Variants in NFKBID observed in about 807,000 individuals in gnomAD.
NFKBID encodes NF-kappa-B inhibitor delta.
In NFKBID, 26 loss-of-function variants were observed where a neutral mutation model predicts 53.4. That is an observed-to-expected ratio of 0.49 (90% confidence interval 0.36 to 0.68). The LOEUF (loss-of-function observed/expected upper bound fraction) is 0.68, where lower values mean the gene tolerates loss of function less well. Among genes scored for constraint, NFKBID ranks in the 30% least tolerant of loss-of-function variants. NFKBID has a pLI of 0.00. For missense variants in NFKBID, 493 were observed against 614.1 expected, an observed-to-expected ratio of 0.80 and a Z score of 2.08; for synonymous variants, 262 against 259.8, an observed-to-expected ratio of 1.01 and a Z score of -0.08.
chr19:35,894,075 A>C (rs781632637), intron 9 of NFKBID, among the ~76,000 whole-genome samples: 3 of 151,870 alleles, frequency 2.0e-5, no homozygotes, highest in Non-Finnish European at 4.4e-5. Flanking sequence ...TGGCCAACAT[A>C]GGGAAACCCC....
In NFKBID at chr19:35,896,602, C is replaced by A; in HGVS notation, c.685-64G>T. On this transcript the variant is annotated intron_variant, in intron 6 of 11. Coordinates refer to ENST00000641389, the Ensembl canonical transcript of NFKBID. The surrounding 1 kb of genome is among the most constrained non-coding windows in gnomAD (Gnocchi z 5.7). ...CCCTCCCGTCAGAAAACCAGGCTCC[C>A]AGCCCCATCCCCCCTCAGCCCCAGG... The A allele has an allele frequency of 6.3e-7, 1 of 1,581,654 alleles. No individual in the cohort carries two copies. The highest frequency in any genetic ancestry group is 1.3e-5 in the African/African-American group (1 of 74,214).
rs763900508 is a variant in NFKBID, at chr19:35,896,987, C to T, written c.504G>A (p.Ser168=). The T allele has an allele frequency of 2.7e-5, 43 of 1,608,964 alleles. No homozygotes were observed. Among genetic ancestry groups the T allele is most frequent in the Non-Finnish European group, 3.5e-5 (41 of 1,178,334 alleles). Residue 168 remains serine, a synonymous_variant, in exon 5 of 12, where the codon TCG becomes TCA. Coordinates refer to ENST00000641389, the Ensembl canonical transcript of NFKBID. The surrounding 1 kb of genome is among the most constrained non-coding windows in gnomAD (Gnocchi z 5.7). ...GCATGTGAGCTCGGGCCACCTCCAG[C>T]GATGGTCCAGGGACCACAGCGGGGA...
intron 11 of NFKBID, 30 bp downstream of exon 11, chr19:35,889,860 A>G (rs1974631273): frequency 6.4e-7 from 1 of 1,573,620 alleles, no homozygotes; most frequent in African/African-American, 1.4e-5. Context: ...CTCAGAGGCC[A>G]CTCTACAGGC....
upstream of NFKBID, chr19:35,902,016 G>A (rs1326735363): frequency 1.6e-6 from 1 of 616,822 alleles, no homozygotes. Context: ...CCAGTCTTGT[G>A]GCTTTAAGTA....
chr19:35,890,143 C>A, intron 10 of NFKBID, 89 bp from the exon 11 acceptor site: 1 of 1,346,692 alleles, frequency 7.4e-7, no homozygotes. Context: ...TTGTCTACGT[C>A]CTACACTTGT....
chr19:35,892,918 C>G (rs919084048), intron 9 of NFKBID, among the ~76,000 whole-genome samples: 1 of 152,206 alleles, frequency 6.6e-6, no homozygotes, highest in Non-Finnish European at 1.5e-5. Context: ...GTAATCCCAG[C>G]ACTTGGGAGG....
Position 35,896,814 on chromosome 19 carries a change from G to A in NFKBID, c.596C>T (p.Ala199Val), listed in dbSNP as rs766871867. The change falls in exon 6 of 12, where the codon GCG becomes GTG. Residue 199 changes from alanine (A) to valine (V), a missense_variant. Physicochemically the swap from Ala to Val is moderately conservative, Grantham distance 64 (BLOSUM62 0). This residue lies in a region of NFKBID where 267 missense variants were observed against 384.6 expected (regional missense o/e 0.69). Coordinates refer to ENST00000641389, the Ensembl canonical transcript of NFKBID. The surrounding 1 kb of genome is among the most constrained non-coding windows in gnomAD (Gnocchi z 5.7). ...TGCCGCCCAGCGCAGCCCCCGAGCCGCAAACAGGTGAAGGAGCCTGAGGAC... is the reference window on the plus strand; with the variant it reads ...TGCCGCCCAGCGCAGCCCCCGAGCCACAAACAGGTGAAGGAGCCTGAGGAC... 75 of 1,614,042 alleles carry A rather than the reference G, an allele frequency of 4.6e-5. 1 individual carries two copies. In the Middle Eastern group the frequency reaches 6.6e-4, roughly 14 times the overall value.
At chr19:35,898,489 A>G in exon 3 of NFKBID, 2 of 1,535,194 alleles carry the variant, frequency 1.3e-6, no homozygotes, top group South Asian at 1.2e-5. Context: ...AGCCTCATTC[A>G]CAGATGGGGT....
At position 35,896,957 on chromosome 19, in the gene NFKBID, A is replaced by C; in HGVS notation, c.534T>G (p.Ala178=). 1.2e-6 allele frequency: 2 copies of C among 1,608,476 alleles called. No individual in the cohort carries two copies. Among genetic ancestry groups the C allele is most frequent in the Non-Finnish European group, 1.7e-6 (2 of 1,176,814 alleles). ...GGGCCAGCAGCTGCTGTGGCCCCAAAGCCAGCATGTGAGCTCGGGCCACCT... is the reference window on the plus strand; with the variant it reads ...GGGCCAGCAGCTGCTGTGGCCCCAACGCCAGCATGTGAGCTCGGGCCACCT... The change falls in exon 5 of 12, where the codon GCT becomes GCG. Residue 178 remains alanine, a synonymous_variant. Coordinates refer to ENST00000641389, the Ensembl canonical transcript of NFKBID. The surrounding 1 kb of genome is among the most constrained non-coding windows in gnomAD (Gnocchi z 5.7).
intron 3 of NFKBID, 55 bp downstream of exon 3, chr19:35,898,417 T>C (rs1035703291): frequency 1.8e-6 from 2 of 1,132,640 alleles, no homozygotes; most frequent in Non-Finnish European, 2.5e-6. Context: ...AGAGCTGCGA[T>C]GTCTGAGTCC....
chr19:35,893,927 A>G (rs1974957258), intron 9 of NFKBID, among the ~76,000 whole-genome samples: 1 of 151,892 alleles, frequency 6.6e-6, no homozygotes, highest in African/African-American at 2.4e-5. Context: ...ACTATTTTCT[A>G]TATTTTATTG....
chr19:35,900,797 C>CTTTTCTTTTCTTTTTCTTTT, upstream of NFKBID: 1 of 282,484 alleles, frequency 3.5e-6, no homozygotes, highest in Non-Finnish European at 6.3e-6. Context: ...GCCTGGATTT[C>CTTTTCTTTTCTTTTTCTTTT]TTTTCTTTTC....
At chr19:35,897,850 G>T (rs1295680740) in exon 4 of NFKBID, 1 of 1,546,484 alleles carries the variant, frequency 6.5e-7, no homozygotes, top group African/African-American at 1.4e-5. Context: ...TGGGAAGGGA[G>T]GGTGGCCTGC....
At chr19:35,900,827 C>CTTTCTTTTTTTTTTTTTTTTTTTTTTT (rs1975529581), upstream of NFKBID, among the ~76,000 whole-genome samples, 2 of 107,606 alleles carry the variant, frequency 1.9e-5, no homozygotes, top group African/African-American at 7.2e-5. Context: ...TTTTTCTTTT[C>CTTTCTTTTTTTTTTTTTTTTTTTTTTT]TTTTTTTTTT....
At chr19:35,889,896 A>G (rs1410838668) in exon 11 of NFKBID, 1 of 1,607,150 alleles carries the variant, frequency 6.2e-7, no homozygotes, top group Admixed American at 1.7e-5. Flanking sequence ...TTACCCCCTC[A>G]GGGCCCGGCC....
chr19:35,898,965 T>C (rs2146968725), intron 1 of NFKBID, 143 bp from the exon 2 acceptor site: 2 of 614,406 alleles, frequency 3.3e-6, no homozygotes, highest in East Asian at 5.5e-5. Flanking sequence ...GCCTGACTCC[T>C]CCAAAGCCAT....
At chr19:35,900,752 G>T, upstream of NFKBID, 2 of 690,014 alleles carry the variant, frequency 2.9e-6, no homozygotes, top group Non-Finnish European at 4.0e-6. Context: ...AGGAGCCTAG[G>T]GCACCGGGCT....
chr19:35,890,124 A>C (rs1974656258), intron 10 of NFKBID, 70 bp from the exon 11 acceptor site: 3 of 1,453,932 alleles, frequency 2.1e-6, no homozygotes, highest in African/African-American at 2.8e-5. Flanking sequence ...CTGCACTTCA[A>C]TTTCTGCCTT....
intron 4 of NFKBID, chr19:35,897,368 C>A (rs894966377): frequency 1.6e-5 from 9 of 547,686 alleles, no homozygotes; most frequent in Non-Finnish European, 2.9e-5. Flanking sequence ...AATTCCCCTG[C>A]CTCAGCCTCC....
Sources: gnomAD v4.1 joint callset for allele counts (sites outside exome capture counted in the v4.1 genomes callset) on GRCh38, gnomAD v4.1.1 for gene constraint, gnomAD v4.1.1 regional missense constraint, Gnocchi (gnomAD v3.1) non-coding constraint, MANE v1.5 for transcripts, NCBI Gene and HGNC (gene_info 2026-07-23, HGNC 2026-07-21) for gene names.